Variants in KIAA0319 observed in about 807,000 individuals in gnomAD.
KIAA0319 encodes the protein dyslexia-associated protein KIAA0319.
In KIAA0319, 83 loss-of-function variants were observed where a neutral mutation model predicts 108.4. The ratio of observed to expected loss-of-function variants is 0.77; its 90% CI spans 0.64 to 0.92. KIAA0319 has a LOEUF of 0.92. Among genes scored for constraint, KIAA0319 ranks in the 40% least tolerant of loss-of-function variants. KIAA0319 has a pLI of 0.00. For missense variants in KIAA0319, 1,195 were observed against 1,322.4 expected (o/e 0.90, Z 1.49); for synonymous variants, 484 against 510.4 (o/e 0.95, Z 0.70).
intron 1 of KIAA0319, among the ~76,000 whole-genome samples, chr6:24,618,437 C>A (rs991799448): frequency 6.6e-6 from 1 of 151,798 alleles, no homozygotes; most frequent in Non-Finnish European, 1.5e-5. Context: ...AGTGAGATGT[C>A]ATCTCTATTA....
chr6:24,576,179 T>C (rs1765468253), intron 10 of KIAA0319, among the ~76,000 whole-genome samples, 189 bp downstream of exon 10: 1 of 152,222 alleles, frequency 6.6e-6, no homozygotes, highest in African/African-American at 2.4e-5. Flanking sequence ...CTTATCTAAG[T>C]GGGCGAGGGG....
intron 20 of KIAA0319, among the ~76,000 whole-genome samples, chr6:24,549,872 G>C (rs181981242): frequency 6.6e-6 from 1 of 152,030 alleles, no homozygotes; most frequent in East Asian, 1.9e-4. Context: ...TGTCTGGAGT[G>C]GGGGGCGGTG....
Position 24,545,421 on chromosome 6 carries a change from A to G in KIAA0319, c.*1744T>C, listed in dbSNP as rs894113086. On this transcript the variant is annotated 3_prime_UTR_variant, in exon 21 of 21. Transcript: ENST00000378214. ...TCCTCATTACGCCCGATGACTTTACATTTGGGCTGCTGTCCCCTATGCCAG... is the reference window on the plus strand; with the variant it reads ...TCCTCATTACGCCCGATGACTTTACGTTTGGGCTGCTGTCCCCTATGCCAG... 6.6e-6 allele frequency: 1 copy of G among 152,152 alleles called. No homozygotes were observed. Among genetic ancestry groups the G allele is most frequent in the African/African-American group, 2.4e-5 (1 of 41,416 alleles). The allele number at this position is 152,152 out of a possible 1,614,324, so 9.4% of individuals were successfully genotyped here. A position where few individuals can be genotyped will look rare whatever the true frequency, so the allele number is the denominator to read the frequency against.
intron 1 of KIAA0319, among the ~76,000 whole-genome samples, chr6:24,640,832 T>C (rs1254216904): frequency 1.3e-5 from 2 of 151,880 alleles, no homozygotes; most frequent in African/African-American, 4.8e-5. Context: ...TTTGTATTTT[T>C]TTGTGGAGAC....
At chr6:24,643,230 T>C (rs1777192305) in intron 1 of KIAA0319, among the ~76,000 whole-genome samples, 1 of 152,240 alleles carries the variant, frequency 6.6e-6, no homozygotes, top group Admixed American at 6.5e-5. Context: ...ACCATTTTTA[T>C]TGTTTAATAC....
At chr6:24,606,945 G>T (rs1384313123) in intron 1 of KIAA0319, among the ~76,000 whole-genome samples, 1 of 152,248 alleles carries the variant, frequency 6.6e-6, no homozygotes, top group Non-Finnish European at 1.5e-5. Context: ...GATGGAAGGA[G>T]CTGGGTCCTT....
Position 24,601,033 on chromosome 6 carries a change from GGTA to G in KIAA0319, c.55+13_55+15del, listed in dbSNP as rs748136076. 7.3e-5 allele frequency: 117 copies of G among 1,613,740 alleles called. No homozygotes were observed. The South Asian group carries it at 1.2e-3, about 16-fold the overall frequency. ...TCAAGTCCAACACGGGTATCTCCAG[GGTA>G]GTAGTTCCCTACCTGCAATTGTCAC... On this transcript the variant is annotated intron_variant, in intron 2 of 20. Transcript: ENST00000378214.
chr6:24,576,448 G>T lies in KIAA0319; in HGVS notation c.1654C>A (p.Gln552Lys). 1 of 1,614,160 alleles carries T rather than the reference G, an allele frequency of 6.2e-7. No individual in the cohort carries two copies. Reference protein sequence around the residue: ...PQNSITLNGNQSSDDHQIVLY... With the variant: ...PQNSITLNGNKSSDDHQIVLY... ...ACAATCTGGTGATCGTCACTGCTCT[G>T]GTTTCCATTCAAAGTGATGGAGTTT... The change falls in exon 10 of 21, where the codon CAG becomes AAG. Residue 552 changes from glutamine (Q) to lysine (K), a missense_variant. Coordinates refer to ENST00000378214, the MANE Select transcript of KIAA0319 (RefSeq NM_014809.4).
intron 1 of KIAA0319, among the ~76,000 whole-genome samples, chr6:24,641,473 A>G (rs1486154766): frequency 6.6e-6 from 1 of 152,224 alleles, no homozygotes; most frequent in East Asian, 1.9e-4. Context: ...GTCTAGTAAA[A>G]TGAAGTCAGA....
chr6:24,543,056 A>C (rs1008282328), downstream of KIAA0319, among the ~76,000 whole-genome samples: 1 of 152,246 alleles, frequency 6.6e-6, no homozygotes, highest in Non-Finnish European at 1.5e-5. Flanking sequence ...TGTTTTACAC[A>C]GAAGACCATA....
intron 1 of KIAA0319, among the ~76,000 whole-genome samples, chr6:24,629,494 A>G (rs9379675): frequency 0.66 from 76,131 of 115,852 alleles, 25,962 homozygotes; most frequent in East Asian, 0.85. Flanking sequence ...CAGCCTGGGC[A>G]ACAGAGTGAG....
chr6:24,547,197 C>T lies in KIAA0319; in HGVS notation c.3187G>A (p.Ala1063Thr). ...VSMNGSIRNG[A>T]SFSYCSKDR is the part of the protein sequence containing the mutation. ...TCCTTTGAGCAATAACTGAAGGAAG[C>T]TCCATTTCTGATGGAACCATTCATG... Residue 1063 changes from alanine (A) to threonine (T), a missense_variant, in exon 21 of 21, where the codon GCT becomes ACT. Physicochemically the swap from Ala to Thr is moderately conservative, Grantham distance 58 (BLOSUM62 0). Coordinates refer to ENST00000378214, the MANE Select transcript of KIAA0319 (RefSeq NM_014809.4). 6.2e-7 allele frequency: 1 copy of T among 1,614,200 alleles called. No individual in the cohort carries two copies. The highest frequency in any genetic ancestry group is 1.3e-5 in the African/African-American group (1 of 75,054).
chr6:24,607,432 G>T (rs901147292), intron 1 of KIAA0319, among the ~76,000 whole-genome samples: 2 of 148,420 alleles, frequency 1.3e-5, no homozygotes, highest in African/African-American at 4.9e-5. Flanking sequence ...TTGTTTTTCG[G>T]TTTTTTTTTT....
At chr6:24,570,119 A>G (rs1764482668) in intron 11 of KIAA0319, 84 bp from the exon 12 acceptor site, 7 of 1,336,434 alleles carry the variant, frequency 5.2e-6, no homozygotes, top group Non-Finnish European at 7.3e-6. Context: ...TAAGTACATT[A>G]CTCATCTTCA....
At chr6:24,540,456 A>G (rs1760160804), downstream of KIAA0319, among the ~76,000 whole-genome samples, 2 of 152,206 alleles carry the variant, frequency 1.3e-5, no homozygotes, top group Admixed American at 6.5e-5. Context: ...GCATGACCGT[A>G]TAAGCCTATG....
rs763676207 is a variant in KIAA0319 at position 24,595,891 on chromosome 6, G to GCTGGATTGTTC, written c.772_782dup (p.Ser261ArgfsTer13). 1.9e-6 allele frequency: 3 copies of GCTGGATTGTTC among 1,605,462 alleles called. No homozygotes were observed. Among genetic ancestry groups the GCTGGATTGTTC allele is most frequent in the Non-Finnish European group, 2.6e-6 (3 of 1,175,472 alleles). ...CACTCACCTCTTTTCCAGAGCTGTTGCTGGATTGTTCCTGGAGCTGAGAAG... is the reference window on the plus strand; with the variant it reads ...CACTCACCTCTTTTCCAGAGCTGTTGCTGGATTGTTCCTGGATTGTTCCTGGAGCTGAGAAG... On this transcript the variant is annotated frameshift_variant, in exon 3 of 21. Transcript: ENST00000378214. LOFTEE classifies it high-confidence loss of function.
At chr6:24,558,930 CAT>C (rs1762699193) in intron 17 of KIAA0319, 81 bp downstream of exon 17, 9 of 1,307,820 alleles carry the variant, frequency 6.9e-6, no homozygotes, top group East Asian at 4.9e-5. Flanking sequence ...AAAATGTTCA[CAT>C]GTCACTCCTC....
At chr6:24,558,874 T>G in intron 17 of KIAA0319, 139 bp downstream of exon 17, 1 of 837,262 alleles carries the variant, frequency 1.2e-6, no homozygotes, top group Non-Finnish European at 1.8e-6. Flanking sequence ...TGCAGGAAAC[T>G]CTATTGGAGA....
At chr6:24,589,969 G>A (rs964304223) in intron 3 of KIAA0319, among the ~76,000 whole-genome samples, 1 of 152,108 alleles carries the variant, frequency 6.6e-6, no homozygotes, top group Admixed American at 6.5e-5. Context: ...TATCTTTTGC[G>A]ACTTTTAGTC....
Sources: gnomAD v4.1 joint callset for allele counts (sites outside exome capture counted in the v4.1 genomes callset) on GRCh38, gnomAD v4.1.1 for gene constraint, MANE v1.5 for transcripts, NCBI Gene and HGNC (gene_info 2026-07-23, HGNC 2026-07-21) for gene names.